Variants in ARHGAP12 observed in about 807,000 individuals in gnomAD.
ARHGAP12 encodes Rho GTPase activating protein 12.
A neutral mutation model predicts 108.6 loss-of-function variants in ARHGAP12; 64 were observed. The observed-to-expected ratio is 0.59, with a 90% CI of 0.48 to 0.73. The LOEUF is 0.73. Ranked by LOEUF, ARHGAP12 falls within the 30% of genes least tolerant of loss-of-function variation. ARHGAP12 has a pLI of 0.00. For missense variants in ARHGAP12, 940 were observed against 1,005.9 expected (o/e 0.93, Z 0.89); for synonymous variants, 312 against 337.2 (o/e 0.93, Z 0.82).
intron 3 of ARHGAP12, among the ~76,000 whole-genome samples, chr10:31,895,499 C>T (rs895647495): frequency 3.3e-5 from 5 of 152,158 alleles, no homozygotes; most frequent in Non-Finnish European, 5.9e-5. Flanking sequence ...AAATGCTCAC[C>T]ATCACTGGCC....
chr10:31,918,221 A>G (rs1302099300), intron 1 of ARHGAP12, among the ~76,000 whole-genome samples: 2 of 152,040 alleles, frequency 1.3e-5, no homozygotes, highest in Non-Finnish European at 2.9e-5. Flanking sequence ...TCAGTTTATG[A>G]GAACATAATA....
chr10:31,897,834 T>C (rs945616144), intron 3 of ARHGAP12, among the ~76,000 whole-genome samples: 1 of 152,160 alleles, frequency 6.6e-6, no homozygotes, highest in Middle Eastern at 3.4e-3. Flanking sequence ...ACTGAAAATA[T>C]CTACTATTAG....
chr10:31,878,624 G>C (rs1837822580), intron 3 of ARHGAP12, among the ~76,000 whole-genome samples: 1 of 152,158 alleles, frequency 6.6e-6, no homozygotes. Context: ...AGCAAACTAT[G>C]GTCCAAATCC....
rs57420280 is a variant in ARHGAP12, at chr10:31,921,763, CAAAAAAAAAAA to C, written c.-111+6909_-111+6919del. Among the ~76,000 whole-genome samples, 265 of 37,940 alleles carry C rather than the reference CAAAAAAAAAAA, an allele frequency of 7.0e-3. 1 individual carries two copies. The highest frequency in any genetic ancestry group is 0.021 in the African/African-American group (250 of 11,776). 24.9% of individuals were successfully genotyped at this position (37,940 alleles called of 152,430 possible). A position where few individuals can be genotyped will look rare whatever the true frequency, so the allele number is the denominator to read the frequency against. Reference sequence around the variant, plus strand: ...TGGGTGACAGAGCAAGGCTCCATCTCAAAAAAAAAAAAAAAAAAAAAAAAAAAGTTTGTAGA... The same window carrying C: ...TGGGTGACAGAGCAAGGCTCCATCTCAAAAAAAAAAAAAAAAGTTTGTAGA... On this transcript the variant is annotated intron_variant, in intron 1 of 19. Coordinates refer to ENST00000344936, the MANE Select transcript of ARHGAP12 (RefSeq NM_018287.7).
At chr10:31,810,880 A>G in intron 15 of ARHGAP12, 133 bp from the exon 16 acceptor site, 1 of 640,254 alleles carries the variant, frequency 1.6e-6, no homozygotes, top group East Asian at 3.0e-5. Flanking sequence ...TGCCTTATGC[A>G]ATATGCATCT....
chr10:31,839,543 G>A, intron 8 of ARHGAP12, 94 bp downstream of exon 8: 1 of 1,217,868 alleles, frequency 8.2e-7, no homozygotes, highest in Non-Finnish European at 1.1e-6. Flanking sequence ...TTTAATAGAA[G>A]CTCATTTAAA....
At chr10:31,809,192 G>A (rs1328991745) in intron 17 of ARHGAP12, 38 bp downstream of exon 17, 1 of 1,612,746 alleles carries the variant, frequency 6.2e-7, no homozygotes, top group Non-Finnish European at 8.5e-7. Flanking sequence ...AAAGTTATGA[G>A]TGATGCATCT....
intron 9 of ARHGAP12, among the ~76,000 whole-genome samples, chr10:31,836,765 G>A (rs780398687): frequency 1.3e-4 from 20 of 152,146 alleles, no homozygotes; most frequent in Non-Finnish European, 2.2e-4. Flanking sequence ...CCATGCAAGC[G>A]CAGAGGAGGA....
intron 11 of ARHGAP12, among the ~76,000 whole-genome samples, chr10:31,824,216 G>C (rs1036487505): frequency 5.3e-5 from 8 of 152,126 alleles, no homozygotes; most frequent in Non-Finnish European, 1.2e-4. Flanking sequence ...ATTAAGAATT[G>C]ACTGTACAAC....
chr10:31,883,542 C>A (rs1838066248), intron 3 of ARHGAP12, among the ~76,000 whole-genome samples: 1 of 152,126 alleles, frequency 6.6e-6, no homozygotes, highest in African/African-American at 2.4e-5. Flanking sequence ...ATATTTAAAA[C>A]AGTCTGACCA....
At chr10:31,820,603 CTTCT>C in intron 11 of ARHGAP12, 115 bp from the exon 12 acceptor site, 1 of 545,654 alleles carries the variant, frequency 1.8e-6, no homozygotes, top group Non-Finnish European at 2.9e-6. Flanking sequence ...TTCTCAAATT[CTTCT>C]TTTTCTCTAT....
intron 1 of ARHGAP12, among the ~76,000 whole-genome samples, chr10:31,928,384 A>G (rs1840153049): frequency 6.6e-6 from 1 of 151,380 alleles, no homozygotes; most frequent in East Asian, 2.0e-4. Context: ...CAGGAAACCC[A>G]GGGGGCAGAG....
rs562017154 is a variant in ARHGAP12, at chr10:31,879,751, G to T, written c.685-18093C>A. On this transcript the variant is annotated intron_variant, in intron 3 of 19. Coordinates refer to ENST00000344936, the MANE Select transcript of ARHGAP12 (RefSeq NM_018287.7). ...TAGTCTATCAGGCTGACACTAAGCTGGCAATTTTTAAATCAGATAAATTCC... is the reference window on the plus strand; with the variant it reads ...TAGTCTATCAGGCTGACACTAAGCTTGCAATTTTTAAATCAGATAAATTCC... 1.2e-4 allele frequency among the ~76,000 whole-genome samples: 19 copies of T among 152,214 alleles called. No homozygotes were observed. In the South Asian group the frequency reaches 3.7e-3, roughly 30 times the overall value.
At chr10:31,876,766 C>T (rs1837748121) in intron 3 of ARHGAP12, among the ~76,000 whole-genome samples, 1 of 152,142 alleles carries the variant, frequency 6.6e-6, no homozygotes, top group Non-Finnish European at 1.5e-5. Context: ...AACAAAAATT[C>T]ACCTAGTAGG....
intron 1 of ARHGAP12, among the ~76,000 whole-genome samples, chr10:31,928,140 C>G (rs985589794): frequency 1.1e-4 from 16 of 152,084 alleles, no homozygotes; most frequent in African/African-American, 3.9e-4. Context: ...GGGAGTGGGC[C>G]CAGGGCGCGG....
chr10:31,862,731 C>G lies in ARHGAP12; in HGVS notation c.685-1073G>C, dbSNP rs1018460488. ...ACACACACACACACACACACACACA[C>G]ACACACACACACACACACACGCCTC... On this transcript the variant is annotated intron_variant, in intron 3 of 19. Transcript: ENST00000344936. 2.4e-3 allele frequency among the ~76,000 whole-genome samples: 362 copies of G among 151,182 alleles called. 3 individuals carry two copies. Among genetic ancestry groups the G allele is most frequent in the African/African-American group, 8.3e-3 (345 of 41,346 alleles).
At chr10:31,921,513 C>T (rs545652135) in intron 1 of ARHGAP12, among the ~76,000 whole-genome samples, 2 of 152,082 alleles carry the variant, frequency 1.3e-5, no homozygotes, top group South Asian at 4.1e-4. Flanking sequence ...TGCCTGTAAT[C>T]CCAGCACTTT....
Position 31,852,566 on chromosome 10 carries a change from T to C in ARHGAP12, c.1121A>G (p.Gln374Arg), listed in dbSNP as rs1239657668. ...AGATCCGTCTGCACTGTAGTAATAT[T>C]GTCTACCTTGATCATCAACATGCTT... ...WLKHVDDQGR[Q>R]YYYSADGSRS... Residue 374 changes from glutamine to arginine, a missense_variant, in exon 6 of 20, where the codon CAA (glutamine) becomes CGA (arginine). Coordinates refer to ENST00000344936, the MANE Select transcript of ARHGAP12 (RefSeq NM_018287.7). The C allele has an allele frequency of 3.1e-6, 5 of 1,613,380 alleles. No homozygotes were observed. Among genetic ancestry groups the C allele is most frequent in the South Asian group, 1.1e-5 (1 of 91,064 alleles).
Position 31,812,826 on chromosome 10 carries a change from T to A in ARHGAP12, c.1835-3A>T. On this transcript the variant is annotated splice_polypyrimidine_tract_variant and splice_region_variant and intron_variant, in intron 14 of 19. Coordinates refer to ENST00000344936, the MANE Select transcript of ARHGAP12 (RefSeq NM_018287.7). The stretch of plus-strand genomic sequence containing the variant: ...ATCTATGCTAGATACTTTAAAGGCT[T>A]AAGACAAAAAGACAGGTAATGAGCA... 1 of 1,516,970 alleles carries A rather than the reference T, an allele frequency of 6.6e-7. No individual in the cohort carries two copies. Among genetic ancestry groups the A allele is most frequent in the Non-Finnish European group, 8.9e-7 (1 of 1,119,388 alleles). The allele number at this position is 1,516,970 out of a possible 1,614,324, so 94.0% of individuals were successfully genotyped here.
Sources: allele counts gnomAD v4.1 joint callset (sites outside exome capture counted in the v4.1 genomes callset), GRCh38; gene constraint gnomAD v4.1.1; transcripts MANE v1.5; gene names NCBI Gene and HGNC (gene_info 2026-07-23, HGNC 2026-07-21).